The following MARCHF4 variants were observed in gnomAD, a reference collection of about 807,000 sequenced individuals.
MARCHF4 encodes membrane associated ring-CH-type finger 4, also known as E3 ubiquitin-protein ligase MARCHF4.
MARCHF4 carries 14 observed loss-of-function variants against 43.9 expected under a neutral mutation model. That is an observed-to-expected ratio of 0.32 (90% CI 0.21 to 0.50). The LOEUF (loss-of-function observed/expected upper bound fraction) is 0.50. Ranked by LOEUF, MARCHF4 falls within the 20% of genes least tolerant of loss-of-function variation. MARCHF4 has a pLI of 0.98. For synonymous variants in MARCHF4, 226 were observed against 213.3 expected (o/e 1.06, Z -0.52); for missense variants, 468 against 536.7 (o/e 0.87, Z 1.27).
chr2:216,263,603 C>G (rs1690789771), intron 3 of MARCHF4, among the ~76,000 whole-genome samples: 1 of 151,688 alleles, frequency 6.6e-6, no homozygotes, highest in Non-Finnish European at 1.5e-5. Context: ...GGAAAGACTT[C>G]AAAGGGGCTG....
intron 1 of MARCHF4, among the ~76,000 whole-genome samples, chr2:216,320,967 C>T (rs910004737): frequency 4.0e-5 from 6 of 151,408 alleles, no homozygotes; most frequent in African/African-American, 1.5e-4. Context: ...GCAGAGCCAC[C>T]GCACCCAGAT....
chr2:216,271,841 AG>A (rs1690943394), intron 3 of MARCHF4, among the ~76,000 whole-genome samples: 1 of 151,644 alleles, frequency 6.6e-6, no homozygotes, highest in African/African-American at 2.4e-5. Flanking sequence ...CCCAGACTGG[AG>A]TACAGTGGCA....
chr2:216,276,610 C>T (rs780009698), intron 3 of MARCHF4, among the ~76,000 whole-genome samples: 12 of 152,180 alleles, frequency 7.9e-5, no homozygotes, highest in Non-Finnish European at 1.6e-4. Context: ...TTCACACAAA[C>T]GTCATCCCAG....
chr2:216,343,549 A>T (rs766512908), intron 1 of MARCHF4, among the ~76,000 whole-genome samples: 1 of 152,098 alleles, frequency 6.6e-6, no homozygotes, highest in Non-Finnish European at 1.5e-5. Flanking sequence ...GTGCACAAAC[A>T]TTTAGTCCAT....
At chr2:216,347,624 A>G (rs184902734) in intron 1 of MARCHF4, among the ~76,000 whole-genome samples, 76 of 152,184 alleles carry the variant, frequency 5.0e-4, no homozygotes, top group African/African-American at 1.8e-3. Context: ...GTTACTCAGG[A>G]GGCTGAGGCA....
At chr2:216,272,970 G>A (rs541384442) in intron 3 of MARCHF4, among the ~76,000 whole-genome samples, 3 of 152,204 alleles carry the variant, frequency 2.0e-5, no homozygotes, top group Non-Finnish European at 2.9e-5. Flanking sequence ...GCCATTCTCC[G>A]AGAGTCACTG....
At chr2:216,277,617 C>T in intron 3 of MARCHF4, 55 bp downstream of exon 3, 2 of 1,504,890 alleles carry the variant, frequency 1.3e-6, no homozygotes, top group Non-Finnish European at 1.8e-6. Context: ...GGGATCTGTC[C>T]ATCCCACGAG....
intron 1 of MARCHF4, among the ~76,000 whole-genome samples, chr2:216,291,613 G>C (rs141007345): frequency 1.3e-5 from 2 of 152,296 alleles, no homozygotes; most frequent in Non-Finnish European, 2.9e-5. Flanking sequence ...TGGCTAATAG[G>C]TAAGAGTTTA....
At chr2:216,316,125 C>T (rs1393854248) in intron 1 of MARCHF4, among the ~76,000 whole-genome samples, 33 of 152,324 alleles carry the variant, frequency 2.2e-4, no homozygotes, top group East Asian at 1.9e-4. Context: ...TGGTTGGAGG[C>T]CGAGTCACCA....
chr2:216,330,654 T>G (rs1313405559), intron 1 of MARCHF4, among the ~76,000 whole-genome samples: 2 of 152,134 alleles, frequency 1.3e-5, no homozygotes, highest in African/African-American at 2.4e-5. Flanking sequence ...TCCCAAGAAC[T>G]GAAATCAGTC....
chr2:216,368,687 T>C (rs1692705021), intron 1 of MARCHF4, among the ~76,000 whole-genome samples: 1 of 152,246 alleles, frequency 6.6e-6, no homozygotes, highest in Non-Finnish European at 1.5e-5. Context: ...CTCCCTGCAC[T>C]TCAGGAAACT....
intron 1 of MARCHF4, among the ~76,000 whole-genome samples, chr2:216,314,772 G>A (rs1234634443): frequency 6.6e-6 from 1 of 152,198 alleles, no homozygotes; most frequent in East Asian, 1.9e-4. Context: ...TGAGGAATAA[G>A]AAGGAGCCAC....
intron 1 of MARCHF4, among the ~76,000 whole-genome samples, chr2:216,313,500 T>G (rs1201125724): frequency 6.6e-6 from 1 of 152,216 alleles, no homozygotes; most frequent in Non-Finnish European, 1.5e-5. Context: ...ATGGCTTCCC[T>G]AGGCCTGATT....
rs1439413427 is a variant in MARCHF4, at chr2:216,295,208, C to T, written c.517-11479G>A. 2.6e-5 allele frequency among the ~76,000 whole-genome samples: 4 copies of T among 152,148 alleles called. No homozygotes were observed. The East Asian group carries it at 7.7e-4, about 29-fold the overall frequency. On this transcript the variant is annotated intron_variant, in intron 1 of 3. Coordinates refer to ENST00000273067, the MANE Select transcript of MARCHF4 (RefSeq NM_020814.3). ...AGGATCAAAGATACTTCCTGCCTCC[C>T]AGGTGCTCATGAGGATTCAATGGGA...
At chr2:216,361,173 C>A (rs1168333786) in intron 1 of MARCHF4, among the ~76,000 whole-genome samples, 2 of 152,118 alleles carry the variant, frequency 1.3e-5, no homozygotes, top group Non-Finnish European at 2.9e-5. Context: ...GACTCTGAGT[C>A]TAATGCCTTC....
chr2:216,342,732 C>T (rs1372278447), intron 1 of MARCHF4, among the ~76,000 whole-genome samples: 1 of 152,146 alleles, frequency 6.6e-6, no homozygotes, highest in African/African-American at 2.4e-5. Flanking sequence ...TGCAGAAAGG[C>T]CCACATGCCA....
At chr2:216,260,967 C>A (rs894921098) in intron 3 of MARCHF4, among the ~76,000 whole-genome samples, 12 of 152,128 alleles carry the variant, frequency 7.9e-5, no homozygotes, top group African/African-American at 2.7e-4. Context: ...CTTGCTGACT[C>A]GCAGGGTGGG....
At chr2:216,358,669 T>A (rs556962428) in intron 1 of MARCHF4, among the ~76,000 whole-genome samples, 1 of 152,308 alleles carries the variant, frequency 6.6e-6, no homozygotes, top group Admixed American at 6.5e-5. Flanking sequence ...TTCTCATTCA[T>A]TCACTCCCTC....
At chr2:216,342,334 G>A (rs1559103840) in intron 1 of MARCHF4, among the ~76,000 whole-genome samples, 4 of 152,156 alleles carry the variant, frequency 2.6e-5, no homozygotes, top group Admixed American at 6.5e-5. Context: ...TCTATGGGGT[G>A]ATGGGAGCCA....
Sources: gnomAD v4.1 joint callset for allele counts (sites outside exome capture counted in the v4.1 genomes callset) on GRCh38, gnomAD v4.1.1 for gene constraint, MANE v1.5 for transcripts, NCBI Gene and HGNC (gene_info 2026-07-23, HGNC 2026-07-21) for gene names.